The following MFN2 variants were observed in gnomAD, a reference collection of about 807,000 sequenced individuals.
The protein encoded by MFN2 is mitofusin 2.
A neutral mutation model predicts 87.5 loss-of-function variants in MFN2; 43 were observed. The observed-to-expected ratio is 0.49, with a 90% CI of 0.38 to 0.63. MFN2 has a LOEUF of 0.63. Among genes scored for constraint, MFN2 ranks in the 30% least tolerant of loss-of-function variants. The pLI is 0.00. For synonymous variants in MFN2, 337 were observed against 359.9 expected, an observed-to-expected ratio of 0.94 and a Z score of 0.72; for missense variants, 743 against 972.8, an observed-to-expected ratio of 0.76 and a Z score of 3.14.
In MFN2 at chr1:12,004,268, A is replaced by G. The variant is rs1473486513; in HGVS notation, c.1287+150A>G. 12 of 1,162,912 alleles carry G rather than the reference A, an allele frequency of 1.0e-5. No individual in the cohort carries two copies. Among genetic ancestry groups the G allele is most frequent in the South Asian group, 7.9e-5 (6 of 75,864 alleles). The allele number at this position is 1,162,912 out of a possible 1,614,324, so 72.0% of individuals were successfully genotyped here. A position where few individuals can be genotyped will look rare whatever the true frequency, so the allele number is the denominator to read the frequency against. On this transcript the variant is annotated intron_variant, in intron 12 of 18. Coordinates refer to ENST00000235329, the MANE Select transcript of MFN2 (RefSeq NM_014874.4). This position sits in a 1 kb window ranked among gnomAD's most constrained non-coding sequence, Gnocchi z 4.2. ...AATACAGAGCTGCCGTTTGGGTTCCATTGTCGGGTTGTGTGATGCTGGGCA... is the reference window on the plus strand; with the variant it reads ...AATACAGAGCTGCCGTTTGGGTTCCGTTGTCGGGTTGTGTGATGCTGGGCA...
At chr1:11,991,646 C>T (rs964711458) in intron 3 of MFN2, among the ~76,000 whole-genome samples, 7 of 152,070 alleles carry the variant, frequency 4.6e-5, no homozygotes, top group African/African-American at 7.2e-5. Context: ...ACATAGAGGC[C>T]GGGCGCGGTG....
intron 3 of MFN2, among the ~76,000 whole-genome samples, chr1:11,991,013 T>TG (rs1638651600): frequency 6.6e-6 from 1 of 152,214 alleles, no homozygotes; most frequent in African/African-American, 2.4e-5. Context: ...AGCCTCATAG[T>TG]TCCCAGGAGT....
In MFN2 at chr1:12,011,996, G is replaced by GT. The variant is rs1292650041; in HGVS notation, c.*432dup. 86 of 229,790 alleles carry GT rather than the reference G, an allele frequency of 3.7e-4. No homozygotes were observed. Among genetic ancestry groups the GT allele is most frequent in the Non-Finnish European group, 6.3e-4 (71 of 113,082 alleles). 14.2% of individuals were successfully genotyped at this position (229,790 alleles called of 1,614,324 possible). Reference sequence around the variant, plus strand: ...CTTGCAGCCCAGCACACCTGCAGGTGTAAGGGACGATTGGAGTTTCTTCCC... The same window carrying GT: ...CTTGCAGCCCAGCACACCTGCAGGTGTTAAGGGACGATTGGAGTTTCTTCCC... On this transcript the variant is annotated 3_prime_UTR_variant, in exon 19 of 19. Transcript: ENST00000235329.
chr1:11,991,902 C>T (rs1318886880), intron 3 of MFN2, among the ~76,000 whole-genome samples: 5 of 102,110 alleles, frequency 4.9e-5, no homozygotes, highest in East Asian at 2.9e-4. Flanking sequence ...CCAGCCTGGG[C>T]GACAGAGCGA....
chr1:12,002,795 GC>G (rs1639235617), intron 11 of MFN2, among the ~76,000 whole-genome samples: 1 of 152,174 alleles, frequency 6.6e-6, no homozygotes. Context: ...TGATTCTTTT[GC>G]ACTTGTCCCA....
intron 15 of MFN2, among the ~76,000 whole-genome samples, chr1:12,006,336 T>A (rs929584415): frequency 3.3e-5 from 5 of 152,192 alleles, no homozygotes. Context: ...TCAGGATGGC[T>A]CCTGCTCACA....
In MFN2 at chr1:12,007,191, G is replaced by A. The variant is rs1639462209; in HGVS notation, c.2011G>A (p.Glu671Lys). 3 of 1,614,170 alleles carry A rather than the reference G, an allele frequency of 1.9e-6. No homozygotes were observed. Among genetic ancestry groups the A allele is most frequent in the Non-Finnish European group, 2.5e-6 (3 of 1,180,048 alleles). ...GCGCCAGTTTGTGGAGCATGCCAGC[G>A]AGAAGCTGCAGCTTGTCATCAGCTA... Reference protein sequence around the residue: ...FKRQFVEHASEKLQLVISYTG... With the variant: ...FKRQFVEHASKKLQLVISYTG... The change falls in exon 17 of 19, where the codon GAG becomes AAG. Residue 671 changes from glutamate (E) to lysine (K), a missense_variant. This residue lies in a region of MFN2 where 571 missense variants were observed against 670.7 expected (regional missense o/e 0.85). Transcript: ENST00000235329.
rs1060501924 is a variant in MFN2 at position 12,006,644 on chromosome 1, C to T, written c.1823C>T (p.Ala608Val). The T allele has an allele frequency of 6.2e-7, 1 of 1,614,180 alleles. No individual in the cohort carries two copies. The highest frequency in any genetic ancestry group is 8.5e-7 in the Non-Finnish European group (1 of 1,180,028). ...EFMVSMVTGL[A>V]SLTSRTSMGI... ...ATGGTTTCCATGGTTACCGGCCTGG[C>T]CTCCTTGACATCCAGGACCTCCATG... The change falls in exon 16 of 19, where the codon GCC becomes GTC. Residue 608 changes from alanine (A) to valine (V), a missense_variant. Around this residue, in one of 3 missense-constraint regions of MFN2, gnomAD observed 571 missense variants for 670.7 expected, o/e 0.85. Transcript: ENST00000235329.
At position 12,005,481 on chromosome 1, in the gene MFN2, G is replaced by A. The variant is rs115537395; in HGVS notation, c.1496-230G>A. On this transcript the variant is annotated intron_variant, in intron 14 of 18. Transcript: ENST00000235329. ...ATTGGGCCTGCTCCTTTAAGTCCAC[G>A]TGAGGCATAAGTGTTAGCAGTATGG... 1.1e-3 allele frequency among the ~76,000 whole-genome samples: 175 copies of A among 152,328 alleles called. 1 individual carries two copies. Among genetic ancestry groups the A allele is most frequent in the Admixed American group, 2.2e-3 (34 of 15,294 alleles).
At position 12,004,873 on chromosome 1, in the gene MFN2, C is replaced by T. The variant is rs762264240; in HGVS notation, c.1441C>T (p.Arg481Cys). ...EEGLGRNMSD[R>C]CSTAITNSLQ... ...AGGACTGGGTCGAAACATGTCTGAC[C>T]GCTGCTCCACGGCCATCACCAACTC... The change falls in exon 14 of 19, where the codon CGC becomes TGC. Residue 481 changes from arginine (R) to cysteine (C), a missense_variant. Physicochemically the swap from Arg to Cys is radical, Grantham distance 180. This residue lies in a region of MFN2 where 571 missense variants were observed against 670.7 expected (regional missense o/e 0.85). Coordinates refer to ENST00000235329, the MANE Select transcript of MFN2 (RefSeq NM_014874.4). This position sits in a 1 kb window ranked among gnomAD's most constrained non-coding sequence, Gnocchi z 4.2. 1.1e-5 allele frequency: 18 copies of T among 1,613,688 alleles called. No individual in the cohort carries two copies. The highest frequency in any genetic ancestry group is 1.5e-5 in the Non-Finnish European group (18 of 1,179,806).
rs1037587372 is a variant in MFN2 at position 11,985,433 on chromosome 1, T to C, written c.-5+3319T>C. 4.6e-5 allele frequency among the ~76,000 whole-genome samples: 7 copies of C among 150,990 alleles called. 1 individual carries two copies. Among genetic ancestry groups the C allele is most frequent in the African/African-American group, 1.7e-4 (7 of 40,984 alleles). Reference sequence around the variant, plus strand: ...ACAAAACCTGTCATAGGTAGTGCTATATCATGCCCCATCCTTGATCCCTTT... The same window carrying C: ...ACAAAACCTGTCATAGGTAGTGCTACATCATGCCCCATCCTTGATCCCTTT... On this transcript the variant is annotated intron_variant, in intron 2 of 18. Transcript: ENST00000235329.
intron 15 of MFN2, among the ~76,000 whole-genome samples, chr1:12,006,206 C>T (rs546732946): frequency 2.0e-5 from 3 of 151,890 alleles, no homozygotes; most frequent in South Asian, 2.1e-4. Context: ...TTAAAAATAA[C>T]CACCTACATA....
intron 9 of MFN2, 94 bp downstream of exon 9, chr1:12,001,648 G>A (rs1639179062): frequency 6.2e-7 from 1 of 1,603,006 alleles, no homozygotes; most frequent in East Asian, 2.2e-5. Flanking sequence ...CTTCTGAGAA[G>A]GGGATGCTGA....
At chr1:11,992,481 T>C (rs1638730158) in intron 3 of MFN2, 74 bp from the exon 4 acceptor site, 2 of 1,592,244 alleles carry the variant, frequency 1.3e-6, no homozygotes, top group African/African-American at 2.7e-5. Flanking sequence ...GGGCCGGCGC[T>C]CTGGCCCTTC....
At chr1:12,000,649 A>C (rs972363765) in intron 8 of MFN2, among the ~76,000 whole-genome samples, 2 of 152,196 alleles carry the variant, frequency 1.3e-5, no homozygotes, top group Admixed American at 1.3e-4. Context: ...AGCTATTGTC[A>C]CATTTTATCG....
Position 11,998,178 on chromosome 1 carries a change from C to T in MFN2, c.600-592C>T, listed in dbSNP as rs546368490. ...ATTACGGGCATGAGCCACTGTGCCC[C>T]GCCTGGTATATCATCTTTAAAGTAG... On this transcript the variant is annotated intron_variant, in intron 6 of 18. Transcript: ENST00000235329. Among the ~76,000 whole-genome samples the T allele has an allele frequency of 5.3e-5, 8 of 151,748 alleles. No individual in the cohort carries two copies. The South Asian group carries it at 8.3e-4, about 16-fold the overall frequency.
chr1:12,004,796 T>C lies in MFN2; in HGVS notation c.1393-29T>C. The C allele has an allele frequency of 6.2e-7, 1 of 1,605,646 alleles. No homozygotes were observed. The highest frequency in any genetic ancestry group is 8.5e-7 in the Non-Finnish European group (1 of 1,172,812). On this transcript the variant is annotated intron_variant, in intron 13 of 18. Transcript: ENST00000235329. This position sits in a 1 kb window ranked among gnomAD's most constrained non-coding sequence, Gnocchi z 4.2. ...CTGAAGGGAATTTTGATGGACATGC[T>C]TCTCTTAACTTCCCTCTTCTGGTGG...
intron 2 of MFN2, among the ~76,000 whole-genome samples, chr1:11,984,501 T>C (rs941430539): frequency 6.6e-6 from 1 of 152,246 alleles, no homozygotes; most frequent in African/African-American, 2.4e-5. Flanking sequence ...TTAGATGGTA[T>C]TGTGGTATTA....
chr1:12,003,919 T>A lies in MFN2; in HGVS notation c.1161-73T>A. The stretch of plus-strand genomic sequence containing the variant: ...GATAGCGGGCAGGGCGGCGTGGGAT[T>A]TCTGGCATCCCCTCTTGCTCCTCTG... On this transcript the variant is annotated intron_variant, in intron 11 of 18. Coordinates refer to ENST00000235329, the MANE Select transcript of MFN2 (RefSeq NM_014874.4). The surrounding 1 kb of genome is among the most constrained non-coding windows in gnomAD (Gnocchi z 4.1). The A allele has an allele frequency of 6.2e-7, 1 of 1,601,986 alleles. No homozygotes were observed. Among genetic ancestry groups the A allele is most frequent in the Non-Finnish European group, 8.5e-7 (1 of 1,170,094 alleles).
Sources: gnomAD v4.1 joint callset for allele counts (sites outside exome capture counted in the v4.1 genomes callset) on GRCh38, gnomAD v4.1.1 for gene constraint, gnomAD v4.1.1 regional missense constraint, Gnocchi (gnomAD v3.1) non-coding constraint, MANE v1.5 for transcripts, NCBI Gene and HGNC (gene_info 2026-07-23, HGNC 2026-07-21) for gene names.